Variants in THSD4 observed in about 807,000 individuals in gnomAD.
The protein encoded by THSD4 is thrombospondin type-1 domain-containing protein 4.
In THSD4, 69 loss-of-function variants were observed where a neutral mutation model predicts 119.0. That is an observed-to-expected ratio of 0.58 (90% confidence interval 0.48 to 0.71). The LOEUF (loss-of-function observed/expected upper bound fraction) is 0.71. THSD4 is among the 30% of genes least tolerant of loss of function. The probability of loss-of-function intolerance (pLI) is 0.00; values close to 1 mark genes in which losing one functional copy is unlikely to be tolerated. For missense variants in THSD4, 1,393 were observed against 1,391.1 expected, an observed-to-expected ratio of 1.00 and a Z score of -0.02; for synonymous variants, 524 against 540.4, an observed-to-expected ratio of 0.97 and a Z score of 0.42.
At chr15:71,431,551 C>G (rs2046943336) in intron 7 of THSD4, among the ~76,000 whole-genome samples, 1 of 152,060 alleles carries the variant, frequency 6.6e-6, no homozygotes, top group African/African-American at 2.4e-5. Context: ...ACAAGGTGTT[C>G]TGTGAAAGAT....
chr15:71,434,880 G>A (rs2046991265), intron 7 of THSD4, among the ~76,000 whole-genome samples: 1 of 152,086 alleles, frequency 6.6e-6, no homozygotes, highest in Non-Finnish European at 1.5e-5. Flanking sequence ...AAAACTAAAA[G>A]CATCTATCAG....
At chr15:71,740,484 C>A (rs1022759560) in intron 11 of THSD4, among the ~76,000 whole-genome samples, 1 of 152,112 alleles carries the variant, frequency 6.6e-6, no homozygotes, top group African/African-American at 2.4e-5. Flanking sequence ...ACAAAGGGTG[C>A]CATGTGGAGA....
intron 7 of THSD4, among the ~76,000 whole-genome samples, chr15:71,629,541 C>T (rs193214734): frequency 5.9e-5 from 9 of 152,298 alleles, no homozygotes; most frequent in Admixed American, 5.2e-4. Flanking sequence ...GCGTCCTCCT[C>T]AGTCACTCTC....
chr15:71,322,956 G>GCC (rs1567195282), intron 6 of THSD4, among the ~76,000 whole-genome samples: 1 of 151,970 alleles, frequency 6.6e-6, no homozygotes, highest in Non-Finnish European at 1.5e-5. Context: ...AATTAGTTGG[G>GCC]TGTGGTAACA....
At chr15:71,724,289 T>A (rs200406464) in intron 8 of THSD4, among the ~76,000 whole-genome samples, 2,081 of 26,658 alleles carry the variant, frequency 0.078, 85 homozygotes, top group African/African-American at 0.12. Flanking sequence ...ATATATATAT[T>A]TTTTTTTTCC....
At chr15:71,719,366 G>A (rs1433664076) in intron 8 of THSD4, among the ~76,000 whole-genome samples, 2 of 152,182 alleles carry the variant, frequency 1.3e-5, no homozygotes, top group African/African-American at 2.4e-5. Flanking sequence ...AAAAATTACT[G>A]TGTGATATCT....
rs563353974 is a variant in THSD4, at chr15:71,390,713, G to A, written c.1016-20974G>A. 1.1e-3 allele frequency among the ~76,000 whole-genome samples: 170 copies of A among 152,238 alleles called. 1 individual carries two copies. The highest frequency in any genetic ancestry group is 3.4e-3 in the Middle Eastern group (1 of 294). ...AATCCTGATCTACAGAGTAGAGTTG[G>A]AAGGGGAGTAGGAATAACTGGGATT... On this transcript the variant is annotated intron_variant, in intron 6 of 17. Transcript: ENST00000261862.
intron 6 of THSD4, among the ~76,000 whole-genome samples, chr15:71,365,681 C>T (rs1249594607): frequency 6.6e-6 from 1 of 152,070 alleles, no homozygotes; most frequent in Non-Finnish European, 1.5e-5. Context: ...CTTGTTAAGT[C>T]CAACCCACCA....
chr15:71,116,251 G>T (rs1452241616), intron 1 of THSD4, among the ~76,000 whole-genome samples: 1 of 152,270 alleles, frequency 6.6e-6, no homozygotes, highest in Non-Finnish European at 1.5e-5. Context: ...AGCCCGAGTG[G>T]ATGGGTTGTT....
At chr15:71,296,625 C>T (rs1378456594) in intron 6 of THSD4, among the ~76,000 whole-genome samples, 2 of 152,220 alleles carry the variant, frequency 1.3e-5, no homozygotes, top group African/African-American at 4.8e-5. Flanking sequence ...CTGCATTATC[C>T]TCCACACTGG....
chr15:71,558,362 T>C (rs985819294), intron 7 of THSD4, among the ~76,000 whole-genome samples: 8 of 152,172 alleles, frequency 5.3e-5, no homozygotes, highest in African/African-American at 1.7e-4. Context: ...GTTCAGCTCA[T>C]TTATTTTTAG....
chr15:71,669,873 G>A (rs999737748), intron 8 of THSD4, among the ~76,000 whole-genome samples: 7 of 152,152 alleles, frequency 4.6e-5, no homozygotes, highest in Admixed American at 1.3e-4. Flanking sequence ...GGCATATGAG[G>A]ATTCAGTAGG....
intron 1 of THSD4, among the ~76,000 whole-genome samples, chr15:71,118,358 T>C (rs562063433): frequency 4.6e-5 from 7 of 152,232 alleles, no homozygotes; most frequent in South Asian, 2.1e-4. Context: ...AGCTCAGAAA[T>C]TCAGATTTCC....
chr15:71,768,276 C>CCAAACAAAAAA (rs1555451047), intron 16 of THSD4, among the ~76,000 whole-genome samples: 2 of 150,068 alleles, frequency 1.3e-5, no homozygotes, highest in Non-Finnish European at 3.0e-5. Context: ...ACAAAAAAAA[C>CCAAACAAAAAA]CAAAAAAAAA....
intron 7 of THSD4, among the ~76,000 whole-genome samples, chr15:71,492,624 G>A (rs2047938878): frequency 6.6e-6 from 1 of 152,134 alleles, no homozygotes; most frequent in South Asian, 2.1e-4. Context: ...CAAAACCGCT[G>A]AGGACCTGGC....
chr15:71,606,660 C>T (rs1228153151), intron 7 of THSD4, among the ~76,000 whole-genome samples: 1 of 152,192 alleles, frequency 6.6e-6, no homozygotes, highest in Non-Finnish European at 1.5e-5. Context: ...CCTGCCTCAG[C>T]CTCCCGAGTA....
At chr15:71,738,288 C>T (rs2053165581) in intron 11 of THSD4, 1 of 339,806 alleles carries the variant, frequency 2.9e-6, no homozygotes, top group Non-Finnish European at 5.4e-6. Context: ...AATGTAACGC[C>T]ACCACTGATC....
chr15:71,426,003 A>G (rs1443926196), intron 7 of THSD4, among the ~76,000 whole-genome samples: 2 of 152,132 alleles, frequency 1.3e-5, no homozygotes, highest in African/African-American at 4.8e-5. Context: ...ATGGCAGAGG[A>G]ACCTAAGAAA....
chr15:71,746,233 G>GT (rs201941624), intron 12 of THSD4, among the ~76,000 whole-genome samples: 25 of 149,042 alleles, frequency 1.7e-4, no homozygotes, highest in South Asian at 2.1e-4. Context: ...ACCTTTGGAG[G>GT]TTTTTTTTTT....
Sources: allele counts gnomAD v4.1 joint callset (sites outside exome capture counted in the v4.1 genomes callset), GRCh38; gene constraint gnomAD v4.1.1; transcripts MANE v1.5; gene names NCBI Gene and HGNC (gene_info 2026-07-23, HGNC 2026-07-21).